MGST1: variants seen among roughly 807,000 people sequenced by gnomAD.
MGST1 encodes the protein microsomal glutathione S-transferase 1, also known as glutathione S-transferase 12.
In MGST1, 5 loss-of-function variants were observed where a neutral mutation model predicts 8.9. That is an observed-to-expected ratio of 0.56 (90% CI 0.29 to 1.19). MGST1 has a LOEUF of 1.19. Ranked by LOEUF, MGST1 falls within the 50% of genes most tolerant of loss-of-function variation. The probability of loss-of-function intolerance (pLI) is 0.08; values close to 1 mark genes in which losing one functional copy is unlikely to be tolerated. For synonymous variants in MGST1, 54 were observed against 67.8 expected, an observed-to-expected ratio of 0.80 and a Z score of 1.00; for missense variants, 182 against 187.4, an observed-to-expected ratio of 0.97 and a Z score of 0.17.
chr12:16,515,671 A>T lies in MGST1; in HGVS notation n.483-73857A>T, dbSNP rs549779303. 7.2e-5 allele frequency among the ~76,000 whole-genome samples: 11 copies of T among 152,182 alleles called. No individual in the cohort carries two copies. The South Asian group carries it at 2.3e-3, about 32-fold the overall frequency. On this transcript the variant is annotated intron_variant and non_coding_transcript_variant, in intron 4 of 4. Coordinates refer to the MGST1 transcript ENST00000538857. ...AGAAAAAAAAAAGAATAAAGAATGTAATTTTCTGCTGATCTCATACCCTCA... is the reference window on the plus strand; with the variant it reads ...AGAAAAAAAAAAGAATAAAGAATGTTATTTTCTGCTGATCTCATACCCTCA...
At chr12:16,581,142 T>G (rs1267739620) in intron 4 of MGST1, among the ~76,000 whole-genome samples, 1 of 152,200 alleles carries the variant, frequency 6.6e-6, no homozygotes, top group Non-Finnish European at 1.5e-5. Context: ...GTTTGAATGA[T>G]TGAAAATTCA....
intron 1 of MGST1, among the ~76,000 whole-genome samples, chr12:16,419,994 A>G (rs533435127): frequency 2.6e-4 from 39 of 152,320 alleles, no homozygotes; most frequent in Admixed American, 1.8e-3. Context: ...AAACCAAAGT[A>G]TATAAATGCT....
chr12:16,434,481 C>T (rs973882659), intron 1 of MGST1, among the ~76,000 whole-genome samples: 14 of 150,910 alleles, frequency 9.3e-5, no homozygotes, highest in African/African-American at 3.4e-4. Context: ...CAATTTTTAA[C>T]ATGCTTCAAC....
At chr12:16,526,995 A>G (rs770250528) in intron 4 of MGST1, among the ~76,000 whole-genome samples, 9 of 151,536 alleles carry the variant, frequency 5.9e-5, no homozygotes, top group Non-Finnish European at 1.2e-4. Flanking sequence ...TGTATCTATC[A>G]TCATCTACAT....
intron 1 of MGST1, among the ~76,000 whole-genome samples, chr12:16,435,608 T>C (rs1940978638): frequency 6.6e-6 from 1 of 151,950 alleles, no homozygotes; most frequent in African/African-American, 2.4e-5. Flanking sequence ...TCAGCAAATA[T>C]TTATTGATCT....
intron 1 of MGST1, among the ~76,000 whole-genome samples, chr12:16,386,360 A>G (rs1470767034): frequency 6.6e-6 from 1 of 152,198 alleles, no homozygotes; most frequent in African/African-American, 2.4e-5. Context: ...ATGTCACCCA[A>G]GCTAGGACTC....
intron 4 of MGST1, among the ~76,000 whole-genome samples, chr12:16,578,000 T>A (rs1943046078): frequency 6.6e-6 from 1 of 152,174 alleles, no homozygotes. Flanking sequence ...CTACAACTAA[T>A]TCCACCATCT....
chr12:16,551,825 C>G (rs1168371648), intron 4 of MGST1, among the ~76,000 whole-genome samples: 6 of 151,942 alleles, frequency 3.9e-5, no homozygotes, highest in African/African-American at 9.7e-5. Context: ...TTCTTTTACT[C>G]TGTTATTAAA....
At chr12:16,400,148 C>T (rs1054145384) in intron 1 of MGST1, 7 of 1,378,048 alleles carry the variant, frequency 5.1e-6, no homozygotes, top group Non-Finnish European at 7.2e-6. Context: ...TAGAGGTCAT[C>T]TCGGTCATGC....
chr12:16,501,018 A>T (rs1941502642), intron 4 of MGST1, among the ~76,000 whole-genome samples: 2 of 148,894 alleles, frequency 1.3e-5, no homozygotes, highest in Non-Finnish European at 3.0e-5. Flanking sequence ...AGGCAGAAGA[A>T]TTGCTTGAAT....
rs74597881 is a variant in MGST1 at position 16,585,348 on chromosome 12, A to G, written n.483-4180A>G. Among the ~76,000 whole-genome samples, 1,798 of 152,292 alleles carry G rather than the reference A, an allele frequency of 0.012. 44 individuals are homozygous for G. The highest frequency in any genetic ancestry group is 0.041 in the African/African-American group (1,711 of 41,558). Reference sequence around the variant, plus strand: ...GCATATTTGTGTATATATTTTTAAAAAGTGGATTAACTTTATGTTAAACAA... The same window carrying G: ...GCATATTTGTGTATATATTTTTAAAGAGTGGATTAACTTTATGTTAAACAA... On this transcript the variant is annotated intron_variant and non_coding_transcript_variant, in intron 4 of 4. Transcript: ENST00000538857. This position sits in a 1 kb window ranked among gnomAD's most constrained non-coding sequence, Gnocchi z 4.7.
At chr12:16,425,827 A>G (rs138017366) in intron 1 of MGST1, among the ~76,000 whole-genome samples, 43 of 152,188 alleles carry the variant, frequency 2.8e-4, no homozygotes, top group African/African-American at 9.9e-4. Context: ...CTTTCTCAAT[A>G]CCCCATTTTC....
At chr12:16,523,810 A>G (rs1354605184) in intron 4 of MGST1, among the ~76,000 whole-genome samples, 1 of 152,138 alleles carries the variant, frequency 6.6e-6, no homozygotes, top group Non-Finnish European at 1.5e-5. Flanking sequence ...CTATGAACAC[A>G]ACTCCAAGAG....
intron 4 of MGST1, among the ~76,000 whole-genome samples, chr12:16,508,440 C>G (rs185135957): frequency 8.6e-4 from 131 of 152,190 alleles, no homozygotes; most frequent in Non-Finnish European, 1.6e-3. Flanking sequence ...TTAGAACTCA[C>G]GGGGGAAGTC....
At chr12:16,476,592 G>T (rs1941325064) in intron 4 of MGST1, among the ~76,000 whole-genome samples, 1 of 152,110 alleles carries the variant, frequency 6.6e-6, no homozygotes, top group Non-Finnish European at 1.5e-5. Flanking sequence ...TGCTACACCA[G>T]AGTCATCGTC....
At chr12:16,370,759 T>G (rs1279107970) in intron 3 of MGST1, among the ~76,000 whole-genome samples, 1 of 152,166 alleles carries the variant, frequency 6.6e-6, no homozygotes, top group Non-Finnish European at 1.5e-5. Flanking sequence ...ATGAATACAT[T>G]GAACTAGAAC....
At chr12:16,352,095 A>C (rs1939493371) in intron 1 of MGST1, among the ~76,000 whole-genome samples, 1 of 152,218 alleles carries the variant, frequency 6.6e-6, no homozygotes, top group South Asian at 2.1e-4. Context: ...CCAGCTTGGC[A>C]GCTTAACAAC....
chr12:16,408,030 C>CAAAAAAA lies in MGST1; in HGVS notation n.778+24448_778+24454dup, dbSNP rs200073692. On this transcript the variant is annotated intron_variant and non_coding_transcript_variant, in intron 1 of 1. Transcript: ENST00000359720. ...CTGGCAACAGAGCAAGACTCTGTCT[C>CAAAAAAA]AAAAAAAAAAAAAAAAAAAAAAAAA... Among the ~76,000 whole-genome samples the CAAAAAAA allele has an allele frequency of 2.3e-4, 10 of 44,100 alleles. 1 individual carries two copies. In the East Asian group the frequency reaches 3.4e-3, roughly 15 times the overall value. 28.9% of individuals were successfully genotyped at this position (44,100 alleles called of 152,430 possible). A position where few individuals can be genotyped will look rare whatever the true frequency, so the allele number is the denominator to read the frequency against.
At chr12:16,427,675 C>G (rs1361017288) in intron 1 of MGST1, among the ~76,000 whole-genome samples, 1 of 152,176 alleles carries the variant, frequency 6.6e-6, no homozygotes, top group Non-Finnish European at 1.5e-5. Context: ...AGCCACTGGG[C>G]CTGGCCTACA....
Sources: gnomAD v4.1 joint callset for allele counts (sites outside exome capture counted in the v4.1 genomes callset) on GRCh38, gnomAD v4.1.1 for gene constraint, Gnocchi (gnomAD v3.1) non-coding constraint, MANE v1.5 for transcripts, NCBI Gene and HGNC (gene_info 2026-07-23, HGNC 2026-07-21) for gene names.